Variants in NUP98 observed in about 807,000 individuals in gnomAD.
NUP98 encodes nucleoporin 98 and 96 precursor.
A neutral mutation model predicts 191.9 loss-of-function variants in NUP98; 26 were observed. The observed-to-expected ratio is 0.14, with a 90% CI of 0.10 to 0.19. The LOEUF (loss-of-function observed/expected upper bound fraction) is 0.19, where lower values mean the gene tolerates loss of function less well. NUP98 is among the 10% of genes least tolerant of loss of function. The pLI, the probability that NUP98 is intolerant of heterozygous loss-of-function variation, is 1.00. For synonymous variants in NUP98, 808 were observed against 778.4 expected (o/e 1.04, Z -0.63); for missense variants, 1,941 against 2,178.8 (o/e 0.89, Z 2.17).
At chr11:3,709,384 A>G (rs2134152681) in intron 20 of NUP98, among the ~76,000 whole-genome samples, 1 of 152,226 alleles carries the variant, frequency 6.6e-6, no homozygotes, top group East Asian at 1.9e-4. Context: ...ACAAAAAATA[A>G]TCACTTTTTT....
chr11:3,726,400 TAA>T (rs1261189318), intron 14 of NUP98, among the ~76,000 whole-genome samples: 1 of 150,026 alleles, frequency 6.7e-6, no homozygotes, highest in Non-Finnish European at 1.5e-5. Context: ...AATAATGCCA[TAA>T]GTTAGTTCTT....
intron 12 of NUP98, among the ~76,000 whole-genome samples, chr11:3,738,989 C>T (rs986218648): frequency 6.6e-6 from 1 of 152,018 alleles, no homozygotes. Flanking sequence ...GGCACACTCA[C>T]ATAGTTCTAA....
At chr11:3,678,238 T>C (rs1282150989) in intron 31 of NUP98, among the ~76,000 whole-genome samples, 1 of 152,098 alleles carries the variant, frequency 6.6e-6, no homozygotes, top group Non-Finnish European at 1.5e-5. Flanking sequence ...ATATGAACTA[T>C]AATCTGTACT....
chr11:3,714,301 C>A (rs1435446202), intron 18 of NUP98, among the ~76,000 whole-genome samples: 1 of 152,154 alleles, frequency 6.6e-6, no homozygotes, highest in Non-Finnish European at 1.5e-5. Context: ...AAGTTACAGT[C>A]CAGTGGTACG....
At position 3,704,098 on chromosome 11, in the gene NUP98, G is replaced by A. The variant is rs998671768; in HGVS notation, c.3082+1102C>T. The stretch of plus-strand genomic sequence containing the variant: ...CAGATTTTCATGTAGTATCCATTAC[G>A]GAAAAGGTTATTAAGAATGTTTAAC... On this transcript the variant is annotated intron_variant, in intron 22 of 32. Coordinates refer to ENST00000324932, the MANE Select transcript of NUP98 (RefSeq NM_016320.5). 4.6e-5 allele frequency among the ~76,000 whole-genome samples: 7 copies of A among 152,192 alleles called. No individual in the cohort carries two copies. The East Asian group carries it at 1.2e-3, about 25-fold the overall frequency.
At chr11:3,717,151 C>T (rs143184594) in intron 18 of NUP98, among the ~76,000 whole-genome samples, 73 of 152,234 alleles carry the variant, frequency 4.8e-4, no homozygotes, top group Non-Finnish European at 7.9e-4. Flanking sequence ...TGCGCCACCA[C>T]GTCTGGCGAA....
intron 29 of NUP98, 105 bp downstream of exon 29, chr11:3,685,868 C>T (rs2078118485): frequency 2.4e-6 from 2 of 840,576 alleles, no homozygotes; most frequent in Non-Finnish European, 4.0e-6. Context: ...ATCTAACACA[C>T]ATTCTACACA....
Position 3,699,153 on chromosome 11 carries a change from G to A in NUP98, c.3938C>T (p.Pro1313Leu), listed in dbSNP as rs1203360502. The A allele has an allele frequency of 9.3e-6, 15 of 1,613,948 alleles. No individual in the cohort carries two copies. The highest frequency in any genetic ancestry group is 1.3e-5 in the Non-Finnish European group (15 of 1,179,996). ...EEVSLTQKNS[P>L]VEAVFSYLTG... is the part of the protein sequence containing the mutation. ...GAGGTAGCTGAATACAGCCTCCACA[G>A]GGCTGTTTTTTTGGGTTAAGGAGAC... The change falls in exon 25 of 33, where the codon CCT becomes CTT. Residue 1313 changes from proline to leucine, a missense_variant. This residue lies in a region of NUP98 where 1,030 missense variants were observed against 1,115.8 expected (regional missense o/e 0.92). Coordinates refer to ENST00000324932, the MANE Select transcript of NUP98 (RefSeq NM_016320.5).
Position 3,786,300 on chromosome 11 carries a change from G to C in NUP98, c.-28-4155C>G, listed in dbSNP as rs185343064. ...TACAGATCCAGCACTATCAGGGAAA[G>C]ACACTTCTCTGGCAAATATGGGAGT... On this transcript the variant is annotated intron_variant, in intron 1 of 32. Transcript: ENST00000324932. Among the ~76,000 whole-genome samples the C allele has an allele frequency of 1.8e-4, 28 of 152,294 alleles. No homozygotes were observed. The East Asian group carries it at 5.2e-3, about 28-fold the overall frequency.
rs182769013 is a variant in NUP98, at chr11:3,771,932, A to T, written c.604-4T>A. On this transcript the variant is annotated splice_region_variant and splice_polypyrimidine_tract_variant and intron_variant, in intron 6 of 32. Coordinates refer to ENST00000324932, the MANE Select transcript of NUP98 (RefSeq NM_016320.5). Reference sequence around the variant, plus strand: ...GATAATCCTCTAAACGAAGTTCCTGAAGGGAGGGAAAACATATTTCTAATC... The same window carrying T: ...GATAATCCTCTAAACGAAGTTCCTGTAGGGAGGGAAAACATATTTCTAATC... 144 of 1,611,366 alleles carry T rather than the reference A, an allele frequency of 8.9e-5. No homozygotes were observed. The East Asian group carries it at 3.1e-3, about 34-fold the overall frequency.
chr11:3,743,016 T>A (rs1355934457), intron 12 of NUP98, among the ~76,000 whole-genome samples: 2 of 152,042 alleles, frequency 1.3e-5, no homozygotes, highest in Admixed American at 1.3e-4. Context: ...TCTTTTCTTT[T>A]ACTTTTTTCT....
chr11:3,697,645 C>A (rs1265554444), intron 25 of NUP98, among the ~76,000 whole-genome samples: 1 of 151,552 alleles, frequency 6.6e-6, no homozygotes, highest in Non-Finnish European at 1.5e-5. Context: ...CCTGTCTCTA[C>A]TAAAAATAAA....
intron 28 of NUP98, among the ~76,000 whole-genome samples, chr11:3,691,094 T>C (rs1018409435): frequency 5.9e-5 from 9 of 152,242 alleles, no homozygotes; most frequent in South Asian, 2.1e-4. Context: ...TACAATGCGA[T>C]AGTTACTATA....
intron 26 of NUP98, 100 bp from the exon 27 acceptor site, chr11:3,693,475 TTAAA>T: frequency 8.5e-7 from 1 of 1,169,800 alleles, no homozygotes; most frequent in South Asian, 1.5e-5. Context: ...AAGGAACATT[TTAAA>T]TGATTCAGAT....
At chr11:3,727,631 G>A (rs1300189041) in intron 14 of NUP98, among the ~76,000 whole-genome samples, 1 of 152,160 alleles carries the variant, frequency 6.6e-6, no homozygotes, top group Non-Finnish European at 1.5e-5. Context: ...GGAGGCCAAG[G>A]TGGGGGGATT....
intron 20 of NUP98, among the ~76,000 whole-genome samples, chr11:3,710,658 G>A (rs897288885): frequency 5.3e-5 from 8 of 152,088 alleles, no homozygotes; most frequent in Admixed American, 1.3e-4. Context: ...ATACTCAAAC[G>A]GCACAAGTAG....
At chr11:3,690,366 T>C (rs561454258) in intron 28 of NUP98, among the ~76,000 whole-genome samples, 1 of 151,888 alleles carries the variant, frequency 6.6e-6, no homozygotes, top group African/African-American at 2.4e-5. Flanking sequence ...TTCACGCCAT[T>C]CCCCTGCCTC....
Position 3,712,216 on chromosome 11 carries a change from A to T in NUP98, c.2742+348T>A, listed in dbSNP as rs529020228. On this transcript the variant is annotated intron_variant, in intron 20 of 32. Coordinates refer to ENST00000324932, the MANE Select transcript of NUP98 (RefSeq NM_016320.5). The stretch of plus-strand genomic sequence containing the variant: ...AAAAAGATTAAACTGCACATCAGGT[A>T]GTCAATAAAGGCAGAATTTACTGTG... 7.3e-6 allele frequency: 8 copies of T among 1,089,032 alleles called. No individual in the cohort carries two copies. In the South Asian group the frequency reaches 2.7e-4, roughly 37 times the overall value. The allele number at this position is 1,089,032 out of a possible 1,614,324, so 67.5% of individuals were successfully genotyped here.
intron 20 of NUP98, among the ~76,000 whole-genome samples, chr11:3,711,359 T>C (rs934567042): frequency 6.6e-6 from 1 of 152,184 alleles, no homozygotes; most frequent in Non-Finnish European, 1.5e-5. Context: ...AGTGTCAATA[T>C]AGGAGTTTAT....
Sources: gnomAD v4.1 joint callset for allele counts (sites outside exome capture counted in the v4.1 genomes callset) on GRCh38, gnomAD v4.1.1 for gene constraint, gnomAD v4.1.1 regional missense constraint, MANE v1.5 for transcripts, NCBI Gene and HGNC (gene_info 2026-07-23, HGNC 2026-07-21) for gene names.